Variants in PCDHA3 observed in about 807,000 individuals in gnomAD.
PCDHA3 encodes protocadherin alpha 3, also known as protocadherin alpha-3.
Under a neutral mutation model 62.2 loss-of-function variants are expected in PCDHA3, and 41 were observed. The ratio of observed to expected loss-of-function variants is 0.66; its 90% CI spans 0.51 to 0.86. PCDHA3 has a LOEUF of 0.86. PCDHA3 is among the 40% of genes least tolerant of loss of function. PCDHA3 has a pLI of 0.00. For synonymous variants in PCDHA3, 640 were observed against 555.4 expected (o/e 1.15, Z -2.14); for missense variants, 1,304 against 1,241.2 (o/e 1.05, Z -0.76).
intron 1 of PCDHA3, among the ~76,000 whole-genome samples, chr5:140,910,536 C>G (rs1554194300): frequency 1.3e-5 from 2 of 152,168 alleles, no homozygotes; most frequent in African/African-American, 4.8e-5. Flanking sequence ...CCTCACAAAT[C>G]TATTTTGCAA....
chr5:140,975,686 A>G (rs558112597), intron 1 of PCDHA3, among the ~76,000 whole-genome samples: 1 of 152,328 alleles, frequency 6.6e-6, no homozygotes, highest in East Asian at 1.9e-4. Flanking sequence ...AAAATAGGGT[A>G]TTTTAAACTT....
intron 1 of PCDHA3, chr5:140,860,111 A>T (rs1337460322): frequency 6.6e-6 from 1 of 151,186 alleles, no homozygotes; most frequent in African/African-American, 2.4e-5. Context: ...CGACATAGGG[A>T]TATCTTGTAC....
At chr5:140,803,755 C>A in intron 1 of PCDHA3, 164 bp downstream of exon 1, 1 of 1,260,410 alleles carries the variant, frequency 7.9e-7, no homozygotes, top group Non-Finnish European at 1.1e-6. Flanking sequence ...ATTTTTGTTG[C>A]TAATTTTTGA....
At chr5:140,834,968 A>AT (rs1347218738) in intron 1 of PCDHA3, 9 of 1,508,864 alleles carry the variant, frequency 6.0e-6, no homozygotes, top group Non-Finnish European at 8.1e-6. Flanking sequence ...TTGGACTTGT[A>AT]TTACGGAAAC....
At chr5:140,967,555 C>G (rs782586326) in intron 1 of PCDHA3, 3 of 1,614,008 alleles carry the variant, frequency 1.9e-6, no homozygotes, top group Non-Finnish European at 2.5e-6. Context: ...CCACTTATCG[C>G]GTCCAGCTAC....
intron 1 of PCDHA3, chr5:140,862,036 A>G (rs1554155572): frequency 6.4e-6 from 1 of 155,636 alleles, no homozygotes; most frequent in African/African-American, 2.4e-5. Flanking sequence ...CGAGGGTTCA[A>G]ACCGTCACAT....
chr5:140,949,639 T>C (rs1563239072), intron 1 of PCDHA3, among the ~76,000 whole-genome samples: 1 of 152,036 alleles, frequency 6.6e-6, no homozygotes, highest in East Asian at 1.9e-4. Flanking sequence ...ATATTGCTTT[T>C]TGTTCATTTT....
chr5:140,904,826 T>C (rs1251990612), intron 1 of PCDHA3, among the ~76,000 whole-genome samples: 1 of 152,206 alleles, frequency 6.6e-6, no homozygotes. Flanking sequence ...GAGCATTTTT[T>C]TATATGTTTC....
At chr5:140,871,301 C>G in intron 1 of PCDHA3, 4 of 1,613,916 alleles carry the variant, frequency 2.5e-6, no homozygotes, top group Middle Eastern at 1.7e-4. Flanking sequence ...GCGTGCGCGC[C>G]GGGGAAGCCC....
intron 1 of PCDHA3, among the ~76,000 whole-genome samples, chr5:140,908,412 T>G (rs2073956005): frequency 6.6e-6 from 1 of 152,212 alleles, no homozygotes; most frequent in South Asian, 2.1e-4. Context: ...TTCCATTTGA[T>G]GATGGAATGC....
chr5:140,872,381 A>G (rs1211312378), intron 1 of PCDHA3, among the ~76,000 whole-genome samples: 2 of 152,058 alleles, frequency 1.3e-5, no homozygotes, highest in Non-Finnish European at 2.9e-5. Context: ...AATCCCAGCT[A>G]TTTGGGAGGC....
chr5:140,841,002 A>G (rs1288568403), intron 1 of PCDHA3, among the ~76,000 whole-genome samples: 1 of 152,084 alleles, frequency 6.6e-6, no homozygotes, highest in African/African-American at 2.4e-5. Flanking sequence ...TAATGTAAGG[A>G]GCCAGACAGT....
intron 1 of PCDHA3, among the ~76,000 whole-genome samples, chr5:140,940,306 T>C (rs2092590981): frequency 6.6e-6 from 1 of 152,200 alleles, no homozygotes; most frequent in Non-Finnish European, 1.5e-5. Context: ...TAATTTATTA[T>C]CTTTCTTCCA....
intron 1 of PCDHA3, 40 bp from the exon 2 acceptor site, chr5:140,978,909 C>T: frequency 6.2e-7 from 1 of 1,613,660 alleles, no homozygotes; most frequent in South Asian, 1.1e-5. Context: ...AGAACATTGT[C>T]TTGTCATTTT....
At position 141,009,666 on chromosome 5, in the gene PCDHA3, G is replaced by T; in HGVS notation, c.2582G>T (p.Gly861Val). Residue 861 changes from glycine to valine, a missense_variant, in exon 4 of 4, where the codon GGT becomes GTT. Physicochemically the swap from Gly to Val is moderately radical, Grantham distance 109. Coordinates refer to ENST00000522353, the MANE Select transcript of PCDHA3 (RefSeq NM_018906.3). ...GAAGTGTCCCCTCCAGTCGGTGCGG[G>T]TGTCAACAGCAACAGCTGGACCTTT... ...AGEVSPPVGAGVNSNSWTFKY... is the reference protein window; with the variant it reads ...AGEVSPPVGAVVNSNSWTFKY... The T allele has an allele frequency of 1.2e-6, 2 of 1,614,080 alleles. No individual in the cohort carries two copies. The highest frequency in any genetic ancestry group is 1.7e-6 in the Non-Finnish European group (2 of 1,180,022).
chr5:140,912,380 G>T (rs2075901164), intron 1 of PCDHA3, among the ~76,000 whole-genome samples: 1 of 150,372 alleles, frequency 6.7e-6, no homozygotes, highest in African/African-American at 2.4e-5. Flanking sequence ...AAAAGGGATT[G>T]AGTTCTTAAT....
chr5:140,805,263 A>G, intron 1 of PCDHA3: 2 of 1,291,908 alleles, frequency 1.5e-6, no homozygotes, highest in South Asian at 2.5e-5. Context: ...TACCTGGTAA[A>G]TGAAAATATT....
chr5:140,870,876 G>A, intron 1 of PCDHA3: 1 of 1,613,958 alleles, frequency 6.2e-7, no homozygotes, highest in Non-Finnish European at 8.5e-7. Context: ...ACGTGGTGGC[G>A]AAGGTGCGCG....
At chr5:140,941,239 C>CTTTCTTTCTTTCT in intron 1 of PCDHA3, among the ~76,000 whole-genome samples, 1 of 134,600 alleles carries the variant, frequency 7.4e-6, no homozygotes, top group South Asian at 2.4e-4. Flanking sequence ...TTCTTTCTTT[C>CTTTCTTTCTTTCT]TTTCTTTCTT....
Sources: allele counts gnomAD v4.1 joint callset (sites outside exome capture counted in the v4.1 genomes callset), GRCh38; gene constraint gnomAD v4.1.1; transcripts MANE v1.5; gene names NCBI Gene and HGNC (gene_info 2026-07-23, HGNC 2026-07-21).